The following RAPGEF1 variants were observed in gnomAD, a reference collection of about 807,000 sequenced individuals.
The protein encoded by RAPGEF1 is CRK SH3-binding GNRP.
RAPGEF1 carries 33 observed loss-of-function variants against 143.3 expected under a neutral mutation model. That is an observed-to-expected ratio of 0.23 (90% CI 0.17 to 0.31). The LOEUF is 0.31. Ranked by LOEUF, RAPGEF1 falls within the 10% of genes least tolerant of loss-of-function variation. RAPGEF1 has a pLI of 1.00. For synonymous variants in RAPGEF1, 629 were observed against 676.5 expected, an observed-to-expected ratio of 0.93 and a Z score of 1.09; for missense variants, 1,199 against 1,645.4, an observed-to-expected ratio of 0.73 and a Z score of 4.69.
In RAPGEF1 at chr9:131,584,486, T is replaced by A. The variant is rs1057272527; in HGVS notation, c.3312+32A>T. 7.4e-6 allele frequency: 12 copies of A among 1,613,422 alleles called. No homozygotes were observed. The African/African-American group carries it at 1.5e-4, about 20-fold the overall frequency. ...GGGCTCCCAGAGCAGGGACTGATGATGGGGGCCTGGGAAGGACTTGGCCAC... is the reference window on the plus strand; with the variant it reads ...GGGCTCCCAGAGCAGGGACTGATGAAGGGGGCCTGGGAAGGACTTGGCCAC... On this transcript the variant is annotated intron_variant, in intron 23 of 26. Coordinates refer to ENST00000683357, the MANE Select transcript of RAPGEF1 (RefSeq NM_001377935.1). The surrounding 1 kb of genome is among the most constrained non-coding windows in gnomAD (Gnocchi z 6.8).
chr9:131,663,470 T>TA (rs1554849876), intron 1 of RAPGEF1, among the ~76,000 whole-genome samples: 122 of 151,520 alleles, frequency 8.1e-4, no homozygotes, highest in African/African-American at 2.4e-3. Context: ...TTTTTTTTTT[T>TA]AAATCCAAGA....
intron 1 of RAPGEF1, among the ~76,000 whole-genome samples, chr9:131,704,613 G>A (rs1834910310): frequency 1.3e-5 from 2 of 152,100 alleles, no homozygotes; most frequent in South Asian, 4.2e-4. Context: ...GATTTTTGAA[G>A]GAGATAACAA....
intron 12 of RAPGEF1, among the ~76,000 whole-genome samples, chr9:131,612,265 G>A (rs1357666136): frequency 6.6e-6 from 1 of 152,160 alleles, no homozygotes; most frequent in Non-Finnish European, 1.5e-5. Flanking sequence ...ACTCCCACAT[G>A]ACAGTTTGCC....
At chr9:131,707,803 TA>T (rs1339328927) in intron 1 of RAPGEF1, among the ~76,000 whole-genome samples, 6 of 152,088 alleles carry the variant, frequency 3.9e-5, no homozygotes, top group African/African-American at 1.4e-4. Context: ...TTTTAGAGAG[TA>T]AATTATAGAT....
chr9:131,699,363 G>A (rs1449443783), intron 1 of RAPGEF1, among the ~76,000 whole-genome samples: 1 of 151,596 alleles, frequency 6.6e-6, no homozygotes, highest in East Asian at 1.9e-4. Context: ...TCCTGCCTCA[G>A]CCTCCTGAAT....
intron 1 of RAPGEF1, among the ~76,000 whole-genome samples, chr9:131,723,528 G>A (rs1292412028): frequency 1.3e-5 from 2 of 152,170 alleles, no homozygotes; most frequent in Admixed American, 1.3e-4. Context: ...GAATCATATG[G>A]TACTTGTCTT....
At chr9:131,644,586 T>C (rs1335462684) in intron 3 of RAPGEF1, among the ~76,000 whole-genome samples, 1 of 152,030 alleles carries the variant, frequency 6.6e-6, no homozygotes, top group African/African-American at 2.4e-5. Context: ...TAGAAAAAGG[T>C]GATTTAAACA....
intron 12 of RAPGEF1, among the ~76,000 whole-genome samples, chr9:131,614,477 G>T (rs943847): frequency 0.86 from 131,454 of 152,254 alleles, 56,951 homozygotes; most frequent in African/African-American, 0.93. Flanking sequence ...AGTGTGCCCA[G>T]GGTTTCTGTG....
At chr9:131,706,255 T>C (rs1835049481) in intron 1 of RAPGEF1, among the ~76,000 whole-genome samples, 1 of 151,864 alleles carries the variant, frequency 6.6e-6, no homozygotes, top group Non-Finnish European at 1.5e-5. Flanking sequence ...GGTGGTGCCC[T>C]GACATTCTTC....
At chr9:131,709,623 GT>G in intron 1 of RAPGEF1, 1 of 1,613,398 alleles carries the variant, frequency 6.2e-7, no homozygotes, top group Non-Finnish European at 8.5e-7. Flanking sequence ...TTCTTACCTT[GT>G]TTCCAGGGGT....
At chr9:131,730,282 TTTTGA>T (rs2131331136) in intron 1 of RAPGEF1, among the ~76,000 whole-genome samples, 1 of 151,846 alleles carries the variant, frequency 6.6e-6, no homozygotes, top group South Asian at 2.1e-4. Context: ...TCAAAAGCTA[TTTTGA>T]TGATTAGTTA....
intron 1 of RAPGEF1, among the ~76,000 whole-genome samples, chr9:131,716,255 G>A (rs73660031): frequency 0.019 from 2,851 of 152,322 alleles, 93 homozygotes; most frequent in African/African-American, 0.066. Flanking sequence ...CCCCCCCAAT[G>A]ATACAGTTTC....
intron 6 of RAPGEF1, among the ~76,000 whole-genome samples, chr9:131,629,516 C>T (rs1375839261): frequency 6.6e-6 from 1 of 152,106 alleles, no homozygotes; most frequent in Non-Finnish European, 1.5e-5. Flanking sequence ...CCAGGCCGGG[C>T]GCAGTGGCTC....
At chr9:131,707,573 T>C (rs550213780) in intron 1 of RAPGEF1, among the ~76,000 whole-genome samples, 2 of 152,246 alleles carry the variant, frequency 1.3e-5, no homozygotes, top group South Asian at 4.1e-4. Flanking sequence ...CCCGAGTAGC[T>C]GGGATTACAG....
intron 1 of RAPGEF1, among the ~76,000 whole-genome samples, chr9:131,661,173 A>G (rs561767111): frequency 6.6e-6 from 1 of 152,346 alleles, no homozygotes; most frequent in Non-Finnish European, 1.5e-5. Flanking sequence ...GTGTGAGGTC[A>G]CCATCAGACA....
chr9:131,609,902 CCTTT>C (rs755941650), intron 12 of RAPGEF1, among the ~76,000 whole-genome samples: 1 of 152,090 alleles, frequency 6.6e-6, no homozygotes, highest in Non-Finnish European at 1.5e-5. Context: ...TCTTTTTCTT[CCTTT>C]CTTTTTTTGA....
chr9:131,730,568 G>A (rs563401405), intron 1 of RAPGEF1, among the ~76,000 whole-genome samples: 4 of 151,330 alleles, frequency 2.6e-5, no homozygotes, highest in Admixed American at 1.3e-4. Context: ...GGTGGCGGGC[G>A]CCTGTCATCC....
At chr9:131,597,260 G>A (rs1955462614) in intron 16 of RAPGEF1, among the ~76,000 whole-genome samples, 2 of 152,202 alleles carry the variant, frequency 1.3e-5, no homozygotes, top group African/African-American at 4.8e-5. Context: ...GCCTGAGATT[G>A]TCTTGGGTTT....
At chr9:131,724,516 A>T (rs1183462958) in intron 1 of RAPGEF1, among the ~76,000 whole-genome samples, 2 of 152,100 alleles carry the variant, frequency 1.3e-5, no homozygotes, top group Non-Finnish European at 2.9e-5. Flanking sequence ...AATGGCGTGA[A>T]CCCGGGAGGC....
Sources: gnomAD v4.1 joint callset for allele counts (sites outside exome capture counted in the v4.1 genomes callset) on GRCh38, gnomAD v4.1.1 for gene constraint, Gnocchi (gnomAD v3.1) non-coding constraint, MANE v1.5 for transcripts, NCBI Gene and HGNC (gene_info 2026-07-23, HGNC 2026-07-21) for gene names.